Variants in PIKFYVE observed in about 807,000 individuals in gnomAD.
PIKFYVE encodes phosphoinositide kinase, FYVE-type zinc finger containing.
Under a neutral mutation model 257.9 loss-of-function variants are expected in PIKFYVE, and 122 were observed. The ratio of observed to expected loss-of-function variants is 0.47; its 90% CI spans 0.41 to 0.55. PIKFYVE has a LOEUF of 0.55. Among genes scored for constraint, PIKFYVE ranks in the 20% least tolerant of loss-of-function variants. PIKFYVE has a pLI of 0.00. For missense variants in PIKFYVE, 2,160 were observed against 2,536.6 expected, an observed-to-expected ratio of 0.85 and a Z score of 3.19; for synonymous variants, 892 against 868.9, an observed-to-expected ratio of 1.03 and a Z score of -0.47.
At position 208,302,335 on chromosome 2, in the gene PIKFYVE, G is replaced by A. The variant is rs377571496; in HGVS notation, c.1302G>A (p.Ala434=). The A allele has an allele frequency of 8.8e-5, 142 of 1,613,728 alleles. 1 individual carries two copies. The East Asian group carries it at 2.3e-3, about 26-fold the overall frequency. The change falls in exon 10 of 42, where the codon GCG becomes GCA. Residue 434 remains alanine (A), a synonymous_variant. Transcript: ENST00000264380. ...HHDQLFRDEY[A]LYRPLQSTEF... ...ACCAGCTTTTCAGAGATGAGTATGC[G>A]CTGTATAGACCACTGCAGGTACTTT...
intron 17 of PIKFYVE, among the ~76,000 whole-genome samples, chr2:208,322,801 C>T (rs1239430923): frequency 6.7e-6 from 1 of 150,144 alleles, no homozygotes; most frequent in Non-Finnish European, 1.5e-5. Context: ...CACCCATTAA[C>T]TTGTCATTTA....
intron 12 of PIKFYVE, among the ~76,000 whole-genome samples, chr2:208,311,406 C>T (rs1694920249): frequency 6.6e-6 from 1 of 152,120 alleles, no homozygotes; most frequent in Non-Finnish European, 1.5e-5. Context: ...AACATAGTAA[C>T]TTTTAAAGCC....
chr2:208,335,964 A>T, intron 26 of PIKFYVE, 63 bp downstream of exon 26: 3 of 1,586,240 alleles, frequency 1.9e-6, no homozygotes, highest in Non-Finnish European at 1.7e-6. Context: ...ATTGATTAAA[A>T]ATCAAAAATT....
chr2:208,300,886 G>T (rs780346657), intron 8 of PIKFYVE, 51 bp from the exon 9 acceptor site: 2 of 1,607,114 alleles, frequency 1.2e-6, no homozygotes, highest in East Asian at 2.2e-5. Flanking sequence ...ATCTGAAAAG[G>T]TATATAGCAT....
intron 14 of PIKFYVE, 33 bp downstream of exon 14, chr2:208,314,456 C>T (rs768892610): frequency 2.9e-5 from 46 of 1,592,578 alleles, no homozygotes; most frequent in Non-Finnish European, 3.9e-5. Flanking sequence ...TTTAATTTTT[C>T]ACTTTTATTA....
At chr2:208,326,530 T>G in intron 20 of PIKFYVE, 101 bp downstream of exon 20, 1 of 1,269,224 alleles carries the variant, frequency 7.9e-7, no homozygotes, top group East Asian at 2.4e-5. Flanking sequence ...TGCATGCAGA[T>G]TTGTGAAATA....
chr2:208,307,780 C>T (rs373986005), intron 12 of PIKFYVE, among the ~76,000 whole-genome samples: 1 of 152,016 alleles, frequency 6.6e-6, no homozygotes, highest in East Asian at 1.9e-4. Flanking sequence ...AATCAGAAGA[C>T]TATAATAGAT....
At chr2:208,321,400 A>T (rs1453470941) in intron 17 of PIKFYVE, among the ~76,000 whole-genome samples, 3 of 151,908 alleles carry the variant, frequency 2.0e-5, no homozygotes, top group Admixed American at 1.3e-4. Context: ...AGTAAAAGAA[A>T]CAGTGCTTTA....
chr2:208,320,111 T>G (rs1463028025), intron 16 of PIKFYVE, 141 bp from the exon 17 acceptor site: 1 of 1,233,760 alleles, frequency 8.1e-7, no homozygotes, highest in Middle Eastern at 3.0e-4. Flanking sequence ...GTAAAAGAAC[T>G]AAATGAGAAT....
rs768671789 is a variant in PIKFYVE at position 208,317,990 on chromosome 2, G to A, written c.2082+49G>A. 11 of 1,550,628 alleles carry A rather than the reference G, an allele frequency of 7.1e-6. No individual in the cohort carries two copies. The Admixed American group carries it at 1.8e-4, about 26-fold the overall frequency. The stretch of plus-strand genomic sequence containing the variant: ...GAAGTTCAGCAAACCATGGCTGTGT[G>A]CTTAGGTAACAAGTTGGGGCACCTT... On this transcript the variant is annotated intron_variant, in intron 16 of 41. Coordinates refer to ENST00000264380, the MANE Select transcript of PIKFYVE (RefSeq NM_015040.4).
intron 1 of PIKFYVE, among the ~76,000 whole-genome samples, chr2:208,268,962 A>G (rs753566786): frequency 1.3e-5 from 2 of 152,180 alleles, no homozygotes; most frequent in Non-Finnish European, 2.9e-5. Flanking sequence ...TGATTTAGGT[A>G]ATACTTTTGG....
chr2:208,340,894 T>C (rs1380950074), intron 31 of PIKFYVE, among the ~76,000 whole-genome samples: 1 of 152,176 alleles, frequency 6.6e-6, no homozygotes, highest in Admixed American at 6.5e-5. Context: ...CAGTAAAATA[T>C]AAAAGGTCCC....
chr2:208,335,709 G>C, intron 25 of PIKFYVE, 84 bp from the exon 26 acceptor site: 2 of 1,085,128 alleles, frequency 1.8e-6, no homozygotes, highest in Non-Finnish European at 2.8e-6. Context: ...ATTACATTTT[G>C]CATGTAGCTT....
rs1451059110 is a variant in PIKFYVE, at chr2:208,302,437, T to C, written c.1320+84T>C. The C allele has an allele frequency of 4.0e-6, 5 of 1,248,974 alleles. No homozygotes were observed. In the African/African-American group the frequency reaches 4.5e-5, roughly 11 times the overall value. The allele number at this position is 1,248,974 out of a possible 1,614,324, so 77.4% of individuals were successfully genotyped here. A position where few individuals can be genotyped will look rare whatever the true frequency, so the allele number is the denominator to read the frequency against. ...TCATCAGTGGGAATAAAAAGTAGTT[T>C]ATTAGAAGATGATTTTTCTAACATT... On this transcript the variant is annotated intron_variant, in intron 10 of 41. Coordinates refer to ENST00000264380, the MANE Select transcript of PIKFYVE (RefSeq NM_015040.4).
intron 12 of PIKFYVE, among the ~76,000 whole-genome samples, chr2:208,306,960 G>A (rs1433752179): frequency 1.3e-5 from 2 of 152,060 alleles, no homozygotes; most frequent in African/African-American, 4.8e-5. Context: ...TGTATTTTTA[G>A]TAAAGGTGGG....
intron 7 of PIKFYVE, among the ~76,000 whole-genome samples, chr2:208,289,302 G>C (rs745948226): frequency 5.9e-5 from 9 of 152,060 alleles, no homozygotes; most frequent in Non-Finnish European, 5.9e-5. Context: ...TAATTGCTTT[G>C]AAAAAATGTC....
intron 31 of PIKFYVE, 102 bp from the exon 32 acceptor site, chr2:208,342,452 T>A (rs182641418): frequency 1.2e-6 from 1 of 832,292 alleles, no homozygotes; most frequent in East Asian, 2.6e-5. Context: ...TTTTCTTTCC[T>A]AATGATTCAG....
At position 208,328,260 on chromosome 2, in the gene PIKFYVE, T is replaced by C. The variant is rs1697156202; in HGVS notation, c.3699T>C (p.Pro1233=). The C allele has an allele frequency of 6.2e-7, 1 of 1,613,948 alleles. No individual in the cohort carries two copies. Among genetic ancestry groups the C allele is most frequent in the Non-Finnish European group, 8.5e-7 (1 of 1,179,872 alleles). The change falls in exon 21 of 42, where the codon CCT becomes CCC. Residue 1233 remains proline, a synonymous_variant. Transcript: ENST00000264380. The stretch of plus-strand genomic sequence containing the variant: ...CTTCTGCCCAGTCCAGCAATGCTCC[T>C]AGTGCCTGTGTCAGTCCTTGGTAGG... ...SSSSAQSSNA[P]SACVSPWIVT...
At chr2:208,316,389 C>T (rs1029431216) in intron 15 of PIKFYVE, among the ~76,000 whole-genome samples, 61 of 151,964 alleles carry the variant, frequency 4.0e-4, no homozygotes, top group African/African-American at 1.3e-3. Context: ...TGGGTATATA[C>T]CCAGTAATGG....
Sources: gnomAD v4.1 joint callset for allele counts (sites outside exome capture counted in the v4.1 genomes callset) on GRCh38, gnomAD v4.1.1 for gene constraint, MANE v1.5 for transcripts, NCBI Gene and HGNC (gene_info 2026-07-23, HGNC 2026-07-21) for gene names.